The following LATS2 variants were observed in gnomAD, a reference collection of about 807,000 sequenced individuals.
LATS2 encodes the protein large tumor suppressor kinase 2, also known as serine/threonine-protein kinase LATS2.
A neutral mutation model predicts 76.0 loss-of-function variants in LATS2; 24 were observed. The observed-to-expected ratio is 0.32, with a 90% CI of 0.23 to 0.44. LATS2 has a LOEUF of 0.44. Among genes scored for constraint, LATS2 ranks in the 20% least tolerant of loss-of-function variants. LATS2 has a pLI of 1.00. For missense variants in LATS2, 1,286 were observed against 1,481.2 expected (o/e 0.87, Z 2.16); for synonymous variants, 692 against 635.4 (o/e 1.09, Z -1.34).
intron 2 of LATS2, among the ~76,000 whole-genome samples, chr13:21,040,111 G>T (rs901984088): frequency 1.3e-5 from 2 of 151,868 alleles, no homozygotes; most frequent in Non-Finnish European, 2.9e-5. Flanking sequence ...TTCTGACCAG[G>T]CATGGTGGCC....
chr13:21,034,950 G>A (rs957071680), intron 2 of LATS2, among the ~76,000 whole-genome samples: 1 of 152,116 alleles, frequency 6.6e-6, no homozygotes, highest in African/African-American at 2.4e-5. Flanking sequence ...CTAAGATGGG[G>A]CTGAGCACAG....
chr13:20,989,074 C>T lies in LATS2; in HGVS notation c.706G>A (p.Gly236Ser), dbSNP rs1665176024. 2.5e-6 allele frequency: 4 copies of T among 1,591,610 alleles called. No individual in the cohort carries two copies. Among genetic ancestry groups the T allele is most frequent in the Non-Finnish European group, 8.5e-7 (1 of 1,172,202 alleles). ...GCCCCTGCTGCCTCTACGCTGGCACCGTAGCCCTTGGGTGGGTGCTGGTGC... is the reference window on the plus strand; with the variant it reads ...GCCCCTGCTGCCTCTACGCTGGCACTGTAGCCCTTGGGTGGGTGCTGGTGC... The part of the protein sequence containing the change: ...HQHQHPPKGY[G>S]ASVEAAGAHF... Residue 236 changes from glycine to serine, a missense_variant, in exon 4 of 8, where the codon GGT (glycine) becomes AGT (serine). By Grantham distance (56) the Gly-to-Ser change is moderately conservative. This residue lies in a region of LATS2 where 710 missense variants were observed against 660.9 expected (regional missense o/e 1.07). Transcript: ENST00000382592.
At chr13:20,998,431 G>A (rs1000200236) in intron 2 of LATS2, among the ~76,000 whole-genome samples, 1 of 152,048 alleles carries the variant, frequency 6.6e-6, no homozygotes. Flanking sequence ...GGATGAGAGG[G>A]GCCAGTTGGC....
At chr13:21,025,393 CAAAAAA>C (rs1171981071) in intron 2 of LATS2, among the ~76,000 whole-genome samples, 2 of 49,752 alleles carry the variant, frequency 4.0e-5, no homozygotes, top group African/African-American at 1.8e-4. Flanking sequence ...ACTCCGTCTC[CAAAAAA>C]AAAAAAAAAA....
At chr13:20,976,140 T>G (rs937418114) in intron 7 of LATS2, among the ~76,000 whole-genome samples, 4 of 149,544 alleles carry the variant, frequency 2.7e-5, no homozygotes, top group African/African-American at 1.0e-4. Flanking sequence ...ATGCACTTGT[T>G]GTAGAGATGT....
At chr13:21,009,674 A>G (rs919995739) in intron 2 of LATS2, among the ~76,000 whole-genome samples, 4 of 152,246 alleles carry the variant, frequency 2.6e-5, no homozygotes, top group African/African-American at 4.8e-5. Context: ...AGAAAATTCA[A>G]TACCTTTTAA....
intron 1 of LATS2, among the ~76,000 whole-genome samples, chr13:21,054,000 A>G (rs1391904504): frequency 6.6e-6 from 1 of 152,214 alleles, no homozygotes; most frequent in African/African-American, 2.4e-5. Flanking sequence ...TGTTTGCAGT[A>G]ATGGTGCATT....
chr13:21,029,364 A>C (rs79376413), intron 2 of LATS2, among the ~76,000 whole-genome samples: 6,019 of 152,232 alleles, frequency 0.04, 365 homozygotes, highest in African/African-American at 0.13. Context: ...TGATATGATT[A>C]ATTATATTGA....
intron 1 of LATS2, among the ~76,000 whole-genome samples, chr13:21,059,618 A>AC (rs1334804152): frequency 1.1e-4 from 17 of 150,990 alleles, no homozygotes; most frequent in African/African-American, 4.1e-4. Context: ...AACAACAACA[A>AC]AAAACACTCA....
rs530845018 is a variant in LATS2 at position 21,060,806 on chromosome 13, C to A, written c.-205+540G>T. On this transcript the variant is annotated intron_variant, in intron 1 of 7. Coordinates refer to ENST00000382592, the MANE Select transcript of LATS2 (RefSeq NM_014572.3). ...GACTGATTGGCCCGTGGGACGATGG[C>A]GCGGCCGGGAGGATGGCCCCGGATC... 3.3e-3 allele frequency among the ~76,000 whole-genome samples: 493 copies of A among 151,402 alleles called. 4 individuals are homozygous for A. The highest frequency in any genetic ancestry group is 5.6e-3 in the South Asian group (27 of 4,812).
At chr13:21,014,303 T>C (rs968744855) in intron 2 of LATS2, among the ~76,000 whole-genome samples, 1 of 151,980 alleles carries the variant, frequency 6.6e-6, no homozygotes, top group Admixed American at 6.6e-5. Flanking sequence ...CAATTAGCAT[T>C]GCAGCCGGCC....
At chr13:21,042,004 A>T (rs114225157) in intron 2 of LATS2, among the ~76,000 whole-genome samples, 1,879 of 152,290 alleles carry the variant, frequency 0.012, 32 homozygotes, top group African/African-American at 0.043. Context: ...TTAAATGCAA[A>T]CTTAAATGAT....
chr13:21,024,093 CAAAAAAA>C (rs748881098), intron 2 of LATS2, among the ~76,000 whole-genome samples: 9 of 79,236 alleles, frequency 1.1e-4, no homozygotes, highest in African/African-American at 2.2e-4. Flanking sequence ...TCTCGCTGTG[CAAAAAAA>C]AAAAAAAAAA....
intron 7 of LATS2, among the ~76,000 whole-genome samples, chr13:20,977,328 A>G (rs1262573630): frequency 6.6e-6 from 1 of 151,506 alleles, no homozygotes; most frequent in Non-Finnish European, 1.5e-5. Flanking sequence ...AGAGGTTGCA[A>G]TGAGCCAAGA....
At chr13:20,989,400 G>A in intron 3 of LATS2, 96 bp from the exon 4 acceptor site, 9 of 1,329,246 alleles carry the variant, frequency 6.8e-6, no homozygotes, top group Non-Finnish European at 9.5e-6. Context: ...CTGCCCTCGG[G>A]GCTGAGGGTC....
chr13:21,003,892 A>C (rs1565950772), intron 2 of LATS2, among the ~76,000 whole-genome samples: 2 of 152,286 alleles, frequency 1.3e-5, no homozygotes, highest in African/African-American at 4.8e-5. Flanking sequence ...CTTTTTAAAT[A>C]ATCTTATATC....
intron 2 of LATS2, among the ~76,000 whole-genome samples, chr13:21,014,026 A>G (rs1017538299): frequency 2.0e-5 from 3 of 151,692 alleles, no homozygotes; most frequent in South Asian, 4.2e-4. Flanking sequence ...AAGAGGAGGA[A>G]GAGGAGGAGG....
At chr13:20,979,835 G>A (rs1424625698) in intron 6 of LATS2, 38 bp from the exon 7 acceptor site, 2 of 1,130,124 alleles carry the variant, frequency 1.8e-6, no homozygotes, top group East Asian at 2.4e-5. Context: ...ACACAGGCAT[G>A]AATTCTCCTC....
intron 1 of LATS2, among the ~76,000 whole-genome samples, chr13:21,060,306 C>T (rs1044316473): frequency 6.6e-6 from 1 of 152,242 alleles, no homozygotes; most frequent in Non-Finnish European, 1.5e-5. Context: ...ATGTCAGAAT[C>T]CCCATCTCCA....
Sources: allele counts gnomAD v4.1 joint callset (sites outside exome capture counted in the v4.1 genomes callset), GRCh38; gene constraint gnomAD v4.1.1; regional missense constraint gnomAD v4.1.1; transcripts MANE v1.5; gene names NCBI Gene and HGNC (gene_info 2026-07-23, HGNC 2026-07-21).